IGF2BP3: variants seen among roughly 807,000 people sequenced by gnomAD.
The protein encoded by IGF2BP3 is insulin like growth factor 2 mRNA binding protein 3, also known as insulin-like growth factor 2 mRNA-binding protein 3.
In IGF2BP3, 9 loss-of-function variants were observed where a neutral mutation model predicts 73.8. That is an observed-to-expected ratio of 0.12 (90% CI 0.07 to 0.21). The LOEUF (loss-of-function observed/expected upper bound fraction) is 0.21. IGF2BP3 is among the 10% of genes least tolerant of loss of function. The pLI, the probability that IGF2BP3 is intolerant of heterozygous loss-of-function variation, is 1.00. For synonymous variants in IGF2BP3, 258 were observed against 256.7 expected (o/e 1.01, Z -0.05); for missense variants, 542 against 714.0 (o/e 0.76, Z 2.75).
At chr7:23,320,565 G>A (rs911564594) in intron 10 of IGF2BP3, among the ~76,000 whole-genome samples, 5 of 149,284 alleles carry the variant, frequency 3.3e-5, no homozygotes, top group African/African-American at 5.0e-5. Flanking sequence ...CCAAGGATAA[G>A]CTAGTTCCAA....
Position 23,371,972 on chromosome 7 carries a change from T to C in IGF2BP3, c.286-10231A>G, listed in dbSNP as rs546989893. On this transcript the variant is annotated intron_variant, in intron 3 of 14. Transcript: ENST00000258729. ...AGAGCTTAAGGGGCTTACGTTATGT[T>C]TCTCTTTGGCAATGCTGAGCTAGAC... Among the ~76,000 whole-genome samples the C allele has an allele frequency of 4.6e-5, 7 of 152,350 alleles. 1 individual carries two copies. The East Asian group carries it at 1.3e-3, about 29-fold the overall frequency.
chr7:23,462,496 G>C (rs12530654), intron 2 of IGF2BP3, among the ~76,000 whole-genome samples: 20,712 of 151,874 alleles, frequency 0.14, 1,546 homozygotes, highest in African/African-American at 0.19. Flanking sequence ...CGCGTAGCTG[G>C]GACTAAAGGC....
chr7:23,467,612 A>G (rs1391835171), intron 2 of IGF2BP3, among the ~76,000 whole-genome samples: 1 of 152,228 alleles, frequency 6.6e-6, no homozygotes, highest in Admixed American at 6.5e-5. Flanking sequence ...CAAAACAAAA[A>G]AATAGAGCCG....
intron 3 of IGF2BP3, among the ~76,000 whole-genome samples, chr7:23,367,925 G>A (rs983982912): frequency 6.6e-6 from 1 of 152,016 alleles, no homozygotes; most frequent in African/African-American, 2.4e-5. Flanking sequence ...CCTTGAACCC[G>A]GGAGGCAGAG....
At chr7:23,370,330 A>C (rs1048340438) in intron 3 of IGF2BP3, among the ~76,000 whole-genome samples, 18 of 152,212 alleles carry the variant, frequency 1.2e-4, no homozygotes, top group African/African-American at 3.9e-4. Context: ...ACTGACTTCC[A>C]TGCTTAAGCT....
chr7:23,326,286 C>A (rs373789016), intron 10 of IGF2BP3, among the ~76,000 whole-genome samples: 2 of 152,148 alleles, frequency 1.3e-5, no homozygotes, highest in African/African-American at 2.4e-5. Flanking sequence ...CAAAAGAAGA[C>A]ATTTATGCAG....
intron 11 of IGF2BP3, among the ~76,000 whole-genome samples, chr7:23,318,395 CT>C (rs111828897): frequency 2.7e-5 from 4 of 148,722 alleles, no homozygotes; most frequent in African/African-American, 4.9e-5. Flanking sequence ...GCTAATTACA[CT>C]TTTTTTTTTG....
chr7:23,371,667 C>A (rs909440070), intron 3 of IGF2BP3, among the ~76,000 whole-genome samples: 1 of 152,194 alleles, frequency 6.6e-6, no homozygotes, highest in African/African-American at 2.4e-5. Flanking sequence ...AGATTGTAAA[C>A]CATGCTGCAT....
chr7:23,371,304 A>G (rs1785535309), intron 3 of IGF2BP3, among the ~76,000 whole-genome samples: 1 of 152,034 alleles, frequency 6.6e-6, no homozygotes, highest in Non-Finnish European at 1.5e-5. Flanking sequence ...AGCGCTAGGG[A>G]TATGGAGATG....
At chr7:23,383,046 G>C (rs1380209364) in intron 3 of IGF2BP3, among the ~76,000 whole-genome samples, 1 of 151,988 alleles carries the variant, frequency 6.6e-6, no homozygotes, top group Non-Finnish European at 1.5e-5. Context: ...CAGCCTGGGT[G>C]ACAGAGCGAG....
chr7:23,412,785 A>T (rs939718605), intron 3 of IGF2BP3, among the ~76,000 whole-genome samples: 1 of 136,026 alleles, frequency 7.4e-6, no homozygotes, highest in Non-Finnish European at 1.5e-5. Flanking sequence ...ACTGGAGAGT[A>T]GTTTCAAGGA....
chr7:23,421,802 TGAGATG>T (rs1245362163), intron 2 of IGF2BP3, among the ~76,000 whole-genome samples: 1 of 152,082 alleles, frequency 6.6e-6, no homozygotes, highest in Non-Finnish European at 1.5e-5. Context: ...TGTTCTGTTT[TGAGATG>T]GAGTCTCACT....
intron 5 of IGF2BP3, among the ~76,000 whole-genome samples, chr7:23,355,523 G>C (rs927618972): frequency 6.6e-6 from 1 of 152,042 alleles, no homozygotes; most frequent in Non-Finnish European, 1.5e-5. Flanking sequence ...GAGCCACAGC[G>C]CCAGACCAGG....
In IGF2BP3 at chr7:23,342,273, G is replaced by A. The variant is rs1286915691; in HGVS notation, c.1078-84C>T. 3.0e-5 allele frequency: 43 copies of A among 1,422,520 alleles called. 1 individual carries two copies. Among genetic ancestry groups the A allele is most frequent in the Middle Eastern group, 1.8e-4 (1 of 5,656 alleles). 88.1% of individuals were successfully genotyped at this position (1,422,520 alleles called of 1,614,324 possible). ...ATTTTTAAGTGACAGTATTCAAACT[G>A]ATCTCTTGTCTAATAAAGAAATGAT... is the stretch of plus-strand genomic sequence containing the variant. On this transcript the variant is annotated intron_variant, in intron 9 of 14. Transcript: ENST00000258729.
At chr7:23,372,321 C>T (rs564393111) in intron 3 of IGF2BP3, among the ~76,000 whole-genome samples, 2 of 152,190 alleles carry the variant, frequency 1.3e-5, no homozygotes, top group African/African-American at 2.4e-5. Flanking sequence ...GATCTGCCCC[C>T]CCTGGCCTCC....
chr7:23,453,583 A>G (rs1318174055), intron 2 of IGF2BP3, among the ~76,000 whole-genome samples: 3 of 152,208 alleles, frequency 2.0e-5, no homozygotes, highest in African/African-American at 2.4e-5. Context: ...TACAGATTAC[A>G]CAAAGCCATG....
chr7:23,372,391 A>C (rs144930265), intron 3 of IGF2BP3, among the ~76,000 whole-genome samples: 1,969 of 152,234 alleles, frequency 0.013, 45 homozygotes, highest in African/African-American at 0.045. Context: ...TAAGTTCTTT[A>C]GTGGTGATTT....
intron 3 of IGF2BP3, among the ~76,000 whole-genome samples, chr7:23,369,816 T>C (rs1478863879): frequency 1.3e-5 from 2 of 152,172 alleles, no homozygotes; most frequent in South Asian, 2.1e-4. Flanking sequence ...CAAAACTGGC[T>C]GTATTTTAGT....
chr7:23,424,373 C>CG (rs1421916729), intron 2 of IGF2BP3, among the ~76,000 whole-genome samples: 1 of 151,948 alleles, frequency 6.6e-6, no homozygotes, highest in African/African-American at 2.4e-5. Flanking sequence ...TGGCAGGCAC[C>CG]TGTAATCTCA....
Sources: allele counts gnomAD v4.1 joint callset (sites outside exome capture counted in the v4.1 genomes callset), GRCh38; gene constraint gnomAD v4.1.1; transcripts MANE v1.5; gene names NCBI Gene and HGNC (gene_info 2026-07-23, HGNC 2026-07-21).